Variants in VTI1B observed in about 807,000 individuals in gnomAD.
The protein encoded by VTI1B is vesicle transport through interaction with t-SNAREs 1B, also known as vesicle transport through interaction with t-SNAREs homolog 1B.
Under a neutral mutation model 28.6 loss-of-function variants are expected in VTI1B, and 18 were observed. The ratio of observed to expected loss-of-function variants is 0.63; its 90% CI spans 0.43 to 0.93. VTI1B has a LOEUF of 0.93. Ranked by LOEUF, VTI1B falls within the 40% of genes least tolerant of loss-of-function variation. The pLI is 0.00. For synonymous variants in VTI1B, 100 were observed against 107.9 expected (o/e 0.93, Z 0.46); for missense variants, 283 against 297.0 (o/e 0.95, Z 0.35).
chr14:67,668,285 T>C (rs1594841175), intron 1 of VTI1B, among the ~76,000 whole-genome samples: 1 of 152,210 alleles, frequency 6.6e-6, no homozygotes, highest in African/African-American at 2.4e-5. Context: ...GAGAGACCTC[T>C]TCAGAGGTTG....
rs2037140964 is a variant in VTI1B, at chr14:67,649,263, T to G, written c.*2122A>C. 6.6e-6 allele frequency: 1 copy of G among 152,176 alleles called. No individual in the cohort carries two copies. Among genetic ancestry groups the G allele is most frequent in the Non-Finnish European group, 1.5e-5 (1 of 68,032 alleles). 9.4% of individuals were successfully genotyped at this position (152,176 alleles called of 1,614,324 possible). A position where few individuals can be genotyped will look rare whatever the true frequency, so the allele number is the denominator to read the frequency against. ...GGGGCTAGGCACAGTGGTTCATACC[T>G]ATAATCCCAGTACTCTGGGAGGCCA... On this transcript the variant is annotated 3_prime_UTR_variant, in exon 6 of 6. Coordinates refer to ENST00000554659, the MANE Select transcript of VTI1B (RefSeq NM_006370.3).
rs2037165818 is a variant in VTI1B at position 67,650,885 on chromosome 14, G to A, written c.*500C>T. On this transcript the variant is annotated 3_prime_UTR_variant, in exon 6 of 6. Transcript: ENST00000554659. The stretch of plus-strand genomic sequence containing the variant: ...CCAACTTCCTACTCCCAGTTCACCA[G>A]ATGAATCAGAAAATCAAGCACGTGT... The A allele has an allele frequency of 3.1e-6, 5 of 1,614,002 alleles. No individual in the cohort carries two copies. The highest frequency in any genetic ancestry group is 4.2e-6 in the Non-Finnish European group (5 of 1,180,024).
At chr14:67,663,295 C>T in intron 1 of VTI1B, 1 of 741,484 alleles carries the variant, frequency 1.3e-6, no homozygotes, top group Non-Finnish European at 2.1e-6. Context: ...GGTTTTCCAT[C>T]TAAAATATGA....
At position 67,674,574 on chromosome 14, in the gene VTI1B, T is replaced by G; in HGVS notation, c.-85A>C. Reference sequence around the variant, plus strand: ...CCCGGCGGTCAGCCGCCCAGCCCAGTGGCCATAACGGCGACCGCCGCACCA... The same window carrying G: ...CCCGGCGGTCAGCCGCCCAGCCCAGGGGCCATAACGGCGACCGCCGCACCA... On this transcript the variant is annotated 5_prime_UTR_variant, in exon 1 of 6. Transcript: ENST00000554659. 8.3e-7 allele frequency: 1 copy of G among 1,197,728 alleles called. No individual in the cohort carries two copies. Among genetic ancestry groups the G allele is most frequent in the Non-Finnish European group, 1.1e-6 (1 of 902,868 alleles). 74.2% of individuals were successfully genotyped at this position (1,197,728 alleles called of 1,614,324 possible).
At chr14:67,667,611 G>A (rs2037417037) in intron 1 of VTI1B, among the ~76,000 whole-genome samples, 2 of 152,156 alleles carry the variant, frequency 1.3e-5, no homozygotes, top group African/African-American at 2.4e-5. Flanking sequence ...TAAATACTTA[G>A]GAAGAACCTA....
At position 67,657,598 on chromosome 14, in the gene VTI1B, G is replaced by GCACGCACACACA. The variant is rs1221889562; in HGVS notation, c.367-1010_367-1009insTGTGTGTGCGTG. 2.3e-4 allele frequency among the ~76,000 whole-genome samples: 26 copies of GCACGCACACACA among 112,424 alleles called. 1 individual carries two copies. Among genetic ancestry groups the GCACGCACACACA allele is most frequent in the African/African-American group, 9.2e-4 (26 of 28,288 alleles). 73.8% of individuals were successfully genotyped at this position (112,424 alleles called of 152,430 possible). A position where few individuals can be genotyped will look rare whatever the true frequency, so the allele number is the denominator to read the frequency against. On this transcript the variant is annotated intron_variant, in intron 3 of 5. Coordinates refer to ENST00000554659, the MANE Select transcript of VTI1B (RefSeq NM_006370.3). ...AGCTGTTCAAAGCACGCGCGCGCGT[G>GCACGCACACACA]CACACACACACACACACACACACAC...
intron 5 of VTI1B, among the ~76,000 whole-genome samples, chr14:67,652,801 C>T (rs761996569): frequency 6.0e-5 from 9 of 150,096 alleles, no homozygotes; most frequent in East Asian, 3.9e-4. Flanking sequence ...AAATATATTT[C>T]TTTTTTTTTT....
At chr14:67,659,039 A>G (rs1338634802) in intron 3 of VTI1B, among the ~76,000 whole-genome samples, 1 of 152,234 alleles carries the variant, frequency 6.6e-6, no homozygotes, top group Non-Finnish European at 1.5e-5. Context: ...CAAATGCAGC[A>G]CATTTAATCT....
At chr14:67,665,237 C>A (rs1566816228) in intron 1 of VTI1B, among the ~76,000 whole-genome samples, 2 of 149,526 alleles carry the variant, frequency 1.3e-5, no homozygotes, top group South Asian at 4.2e-4. Flanking sequence ...TTAATCACAA[C>A]AGCATCTAAT....
chr14:67,655,353 GT>G (rs1353086556), intron 4 of VTI1B, among the ~76,000 whole-genome samples: 1 of 152,000 alleles, frequency 6.6e-6, no homozygotes, highest in Non-Finnish European at 1.5e-5. Flanking sequence ...TCCTATGTAG[GT>G]TAACTCATTT....
chr14:67,662,380 A>G, intron 2 of VTI1B, 97 bp downstream of exon 2: 1 of 1,101,406 alleles, frequency 9.1e-7, no homozygotes, highest in Non-Finnish European at 1.3e-6. Flanking sequence ...ATCAAGATCA[A>G]TGGACAGGAA....
intron 1 of VTI1B, 89 bp from the exon 2 acceptor site, chr14:67,662,624 G>A (rs1388161632): frequency 8.4e-7 from 1 of 1,187,696 alleles, no homozygotes; most frequent in Non-Finnish European, 1.2e-6. Flanking sequence ...AGCTTCCTAT[G>A]GCAGGGCCTG....
intron 4 of VTI1B, 80 bp from the exon 5 acceptor site, chr14:67,653,578 GC>G (rs1434551712): frequency 8.0e-7 from 1 of 1,252,964 alleles, no homozygotes; most frequent in Admixed American, 2.0e-5. Context: ...TTAACAGTAG[GC>G]ATTAAGGGAT....
At chr14:67,674,287 G>C in intron 1 of VTI1B, 88 bp downstream of exon 1, 3 of 1,261,226 alleles carry the variant, frequency 2.4e-6, no homozygotes, top group Non-Finnish European at 3.2e-6. Context: ...AGGAGACGCG[G>C]GCCCGGGTCT....
rs2037141111 is a variant in VTI1B, at chr14:67,649,276, C to G, written c.*2109G>C. On this transcript the variant is annotated 3_prime_UTR_variant, in exon 6 of 6. Transcript: ENST00000554659. Reference sequence around the variant, plus strand: ...GTGGTTCATACCTATAATCCCAGTACTCTGGGAGGCCAAGGCAAGAGGATT... The same window carrying G: ...GTGGTTCATACCTATAATCCCAGTAGTCTGGGAGGCCAAGGCAAGAGGATT... The G allele has an allele frequency of 1.3e-5, 2 of 152,132 alleles. No homozygotes were observed. The highest frequency in any genetic ancestry group is 4.8e-5 in the African/African-American group (2 of 41,418). The allele number at this position is 152,132 out of a possible 1,614,324, so 9.4% of individuals were successfully genotyped here. A position where few individuals can be genotyped will look rare whatever the true frequency, so the allele number is the denominator to read the frequency against.
intron 1 of VTI1B, chr14:67,663,193 T>C: frequency 1.3e-6 from 2 of 1,524,124 alleles, no homozygotes; most frequent in Non-Finnish European, 1.8e-6. Flanking sequence ...AATCTCCCCT[T>C]TGAACAAAAA....
chr14:67,660,938 C>T (rs570800687), intron 2 of VTI1B, among the ~76,000 whole-genome samples: 1 of 152,230 alleles, frequency 6.6e-6, no homozygotes, highest in Admixed American at 6.5e-5. Flanking sequence ...AGAAAAGCTC[C>T]CAGTACTCCC....
chr14:67,673,160 T>C (rs1016166190), intron 1 of VTI1B, among the ~76,000 whole-genome samples: 3 of 152,188 alleles, frequency 2.0e-5, no homozygotes, highest in Non-Finnish European at 2.9e-5. Context: ...CTGGCCAACA[T>C]GGCAAAACCC....
chr14:67,666,330 A>C (rs1594840418), intron 1 of VTI1B, among the ~76,000 whole-genome samples: 1 of 152,276 alleles, frequency 6.6e-6, no homozygotes, highest in African/African-American at 2.4e-5. Context: ...TGAAAGGGGG[A>C]GAAGAAGACC....
Sources: gnomAD v4.1 joint callset for allele counts (sites outside exome capture counted in the v4.1 genomes callset) on GRCh38, gnomAD v4.1.1 for gene constraint, MANE v1.5 for transcripts, NCBI Gene and HGNC (gene_info 2026-07-23, HGNC 2026-07-21) for gene names.